ADAM8: variants seen among roughly 807,000 people sequenced by gnomAD.
ADAM8 encodes ADAM metallopeptidase domain 8, also known as disintegrin and metalloproteinase domain-containing protein 8.
A neutral mutation model predicts 102.4 loss-of-function variants in ADAM8; 104 were observed. That is an observed-to-expected ratio of 1.02 (90% CI 0.87 to 1.20). The LOEUF is 1.20. Ranked by LOEUF, ADAM8 falls within the 50% of genes most tolerant of loss-of-function variation. The pLI, the probability that ADAM8 is intolerant of heterozygous loss-of-function variation, is 0.00. For missense variants in ADAM8, 1,132 were observed against 1,159.0 expected, an observed-to-expected ratio of 0.98 and a Z score of 0.34; for synonymous variants, 517 against 485.2, an observed-to-expected ratio of 1.07 and a Z score of -0.86.
Position 133,276,820 on chromosome 10 carries a change from C to A in ADAM8, c.-3G>T. 6.6e-7 allele frequency: 1 copy of A among 1,526,592 alleles called. No homozygotes were observed. The highest frequency in any genetic ancestry group is 8.8e-7 in the Non-Finnish European group (1 of 1,140,158). 94.6% of individuals were successfully genotyped at this position (1,526,592 alleles called of 1,614,324 possible). A position where few individuals can be genotyped will look rare whatever the true frequency, so the allele number is the denominator to read the frequency against. Reference sequence around the variant, plus strand: ...AGCCAGAGCCCGAGGCCGCGCATGGCCGGGTCGGGGAGCAGAGGCGGAGGT... The same window carrying A: ...AGCCAGAGCCCGAGGCCGCGCATGGACGGGTCGGGGAGCAGAGGCGGAGGT... On this transcript the variant is annotated 5_prime_UTR_variant, in exon 1 of 23. Coordinates refer to ENST00000445355, the MANE Select transcript of ADAM8 (RefSeq NM_001109.5).
chr10:133,273,638 C>A (rs1339435558), intron 5 of ADAM8, 124 bp downstream of exon 5: 2 of 1,323,350 alleles, frequency 1.5e-6, no homozygotes, highest in African/African-American at 1.5e-5. Flanking sequence ...GACCCCCATG[C>A]AAGACAGCAA....
rs769962008 is a variant in ADAM8, at chr10:133,271,933, C to T, written c.979G>A (p.Gly327Ser). The change falls in exon 11 of 23, where the codon GGC (glycine) becomes AGC (serine). Residue 327 changes from glycine (G) to serine (S), a missense_variant. Coordinates refer to ENST00000445355, the MANE Select transcript of ADAM8 (RefSeq NM_001109.5). ...TCATGGGCCATGGTACAGGCCACGC[C>T]CACGGGGTTCTTGCTGTGGTCCTGC... Reference protein sequence around the residue: ...VNQDHSKNPVGVACTMAHEMG... With the variant: ...VNQDHSKNPVSVACTMAHEMG... 3.1e-6 allele frequency: 5 copies of T among 1,611,806 alleles called. No homozygotes were observed. The highest frequency in any genetic ancestry group is 2.2e-5 in the East Asian group (1 of 44,824).
Position 133,269,921 on chromosome 10 carries a change from G to A in ADAM8, c.1839C>T (p.Cys613=). 1 of 1,612,784 alleles carries A rather than the reference G, an allele frequency of 6.2e-7. No individual in the cohort carries two copies. Among genetic ancestry groups the A allele is most frequent in the South Asian group, 1.1e-5 (1 of 91,092 alleles). ...QDLHVYRSSN[C]SAQCHNHGVC... ...CCCCATGGTTGTGGCACTGGGCAGA[G>A]CAGTTGCTGGATCTGTAAACGTGTA... The change falls in exon 17 of 23, where the codon TGC becomes TGT. Residue 613 remains cysteine (C), a synonymous_variant. Coordinates refer to ENST00000445355, the MANE Select transcript of ADAM8 (RefSeq NM_001109.5).
Position 133,273,328 on chromosome 10 carries a change from A to G in ADAM8, c.499T>C (p.Cys167Arg), listed in dbSNP as rs778315354. Residue 167 changes from cysteine (C) to arginine (R), a missense_variant, in exon 6 of 23, where the codon TGC (cysteine) becomes CGC (arginine). Cys to Arg is a radical substitution (Grantham distance 180). Transcript: ENST00000445355. ...AEHLLQTAGTCGVSDDSLGSL... is the reference protein window; with the variant it reads ...AEHLLQTAGTRGVSDDSLGSL... Reference sequence around the variant, plus strand: ...CCCAGGCTGTCGTCGCTGACCCCGCAGGTCCCGGCCGTCTGCAGCAGGTGC... The same window carrying G: ...CCCAGGCTGTCGTCGCTGACCCCGCGGGTCCCGGCCGTCTGCAGCAGGTGC... 1.9e-6 allele frequency: 3 copies of G among 1,578,950 alleles called. No individual in the cohort carries two copies. The highest frequency in any genetic ancestry group is 2.3e-5 in the East Asian group (1 of 42,844).
rs377752207 is a variant in ADAM8, at chr10:133,274,241, C to T, written c.151-6G>A. 3.2e-4 allele frequency: 490 copies of T among 1,545,302 alleles called. No individual in the cohort carries two copies. The highest frequency in any genetic ancestry group is 5.4e-4 in the Middle Eastern group (3 of 5,540). On this transcript the variant is annotated splice_region_variant and splice_polypyrimidine_tract_variant and intron_variant, in intron 2 of 22. Transcript: ENST00000445355. ...ACCCTCTCTGGGTGCAGGCCCTGAG[C>T]GAGGAGGGAAGGGTCCCAGGTGAGC...
intron 17 of ADAM8, 45 bp downstream of exon 17, chr10:133,269,852 C>T (rs749430721): frequency 5.0e-6 from 8 of 1,589,136 alleles, no homozygotes; most frequent in South Asian, 3.3e-5. Flanking sequence ...TCCCTCAGAG[C>T]GGCAGCCTCT....
At chr10:133,272,395 C>G in intron 9 of ADAM8, 21 bp downstream of exon 9, 1 of 1,549,246 alleles carries the variant, frequency 6.5e-7, no homozygotes, top group East Asian at 2.3e-5. Flanking sequence ...CCTCCCCACC[C>G]TGCCCGCTCC....
chr10:133,271,449 G>A, intron 12 of ADAM8, 79 bp downstream of exon 12: 1 of 1,483,938 alleles, frequency 6.7e-7, no homozygotes. Flanking sequence ...GTGTGGATGT[G>A]CAGTGGTCAC....
At chr10:133,269,843 C>T in intron 17 of ADAM8, 54 bp downstream of exon 17, 1 of 1,576,116 alleles carries the variant, frequency 6.3e-7, no homozygotes, top group Non-Finnish European at 8.7e-7. Context: ...AGCACCGGCT[C>T]CCTCAGAGCG....
chr10:133,273,161 C>T, intron 6 of ADAM8, 93 bp downstream of exon 6: 7 of 1,579,870 alleles, frequency 4.4e-6, no homozygotes, highest in Non-Finnish European at 4.3e-6. Context: ...AGACAATGGG[C>T]AGCACCCAGC....
Position 133,273,262 on chromosome 10 carries a change from G to A in ADAM8, c.565C>T (p.Arg189Trp), listed in dbSNP as rs45451297. Residue 189 changes from arginine (R) to tryptophan (W), a missense_variant, in exon 6 of 23, where the codon CGG becomes TGG. Arg to Trp is a moderately radical substitution (Grantham distance 101). Transcript: ENST00000445355. ...GAGACAAGGGTGCTCACCCCGGGCCGAGGCCTGAAGACGGCTGCCGTCCGG... is the reference window on the plus strand; with the variant it reads ...GAGACAAGGGTGCTCACCCCGGGCCAAGGCCTGAAGACGGCTGCCGTCCGG... Reference protein sequence around the residue: ...GPRTAAVFRPRPGDSLPSRET... With the variant: ...GPRTAAVFRPWPGDSLPSRET... 0.044 allele frequency: 71,021 copies of A among 1,601,764 alleles called. 1,914 individuals carry two copies. Among genetic ancestry groups the A allele is most frequent in the Non-Finnish European group, 0.051 (59,364 of 1,175,432 alleles).
chr10:133,269,020 C>A, intron 18 of ADAM8, 158 bp from the exon 19 acceptor site: 2 of 985,472 alleles, frequency 2.0e-6, no homozygotes, highest in Non-Finnish European at 2.4e-6. Flanking sequence ...TCCCAGCTTG[C>A]CAGTGACAGG....
intron 21 of ADAM8, among the ~76,000 whole-genome samples, chr10:133,264,026 C>T (rs1846247660): frequency 6.6e-6 from 1 of 152,036 alleles, no homozygotes; most frequent in Non-Finnish European, 1.5e-5. Context: ...TAACCAACCC[C>T]CATATTACCC....
At position 133,269,440 on chromosome 10, in the gene ADAM8, C is replaced by T. The variant is rs373571368; in HGVS notation, c.1948+5G>A. 130 of 1,582,422 alleles carry T rather than the reference C, an allele frequency of 8.2e-5. No individual in the cohort carries two copies. Among genetic ancestry groups the T allele is most frequent in the Middle Eastern group, 1.7e-4 (1 of 6,014 alleles). On this transcript the variant is annotated splice_donor_5th_base_variant and intron_variant, in intron 18 of 22. Coordinates refer to ENST00000445355, the MANE Select transcript of ADAM8 (RefSeq NM_001109.5). ...GCCCCACCTGCGCTGGCCAGGGAGG[C>T]CTACCTGCGTGCACCTCAGTCAGCA...
Position 133,269,126 on chromosome 10 carries a change from C to T in ADAM8, c.1949-264G>A, listed in dbSNP as rs1031813982. ...TCTGGACGACCACATGCTCAGTGGC[C>T]GCCGGGGAGGAAATGCTGGGTGGCC... On this transcript the variant is annotated intron_variant, in intron 18 of 22. Transcript: ENST00000445355. The T allele has an allele frequency of 2.4e-4, 234 of 985,412 alleles. No individual in the cohort carries two copies. The African/African-American group carries it at 3.6e-3, about 15-fold the overall frequency. The allele number at this position is 985,412 out of a possible 1,614,324, so 61.0% of individuals were successfully genotyped here. A position where few individuals can be genotyped will look rare whatever the true frequency, so the allele number is the denominator to read the frequency against.
chr10:133,274,291 C>T (rs1846660715), intron 2 of ADAM8, 56 bp from the exon 3 acceptor site: 4 of 1,463,948 alleles, frequency 2.7e-6, no homozygotes, highest in Non-Finnish European at 3.6e-6. Flanking sequence ...GTGCCCACCT[C>T]AATCCTGGGG....
Position 133,275,297 on chromosome 10 carries a change from G to A in ADAM8, c.150+187C>T, listed in dbSNP as rs187137809. Among the ~76,000 whole-genome samples, 5 of 152,318 alleles carry A rather than the reference G, an allele frequency of 3.3e-5. No individual in the cohort carries two copies. In the East Asian group the frequency reaches 9.7e-4, roughly 29 times the overall value. ...GGGTCCATAGAGCTCCTGAAGGAAC[G>A]AGGAGGCTGGGAGCCCTCAGGCAGT... On this transcript the variant is annotated intron_variant, in intron 2 of 22. Coordinates refer to ENST00000445355, the MANE Select transcript of ADAM8 (RefSeq NM_001109.5).
At position 133,268,754 on chromosome 10, in the gene ADAM8, A is replaced by G; in HGVS notation, c.2057T>C (p.Leu686Pro). ...CAGCCCCCACCACCCTCACCTGCTC[A>G]GGATGCGGCTCCGGGCTTTGCGGTA... The part of the protein sequence containing the change: ...IVYRKARSRI[L>P]SRNVAPKTTM... Residue 686 changes from leucine to proline, a missense_variant, in exon 19 of 23, where the codon CTG becomes CCG. Coordinates refer to ENST00000445355, the MANE Select transcript of ADAM8 (RefSeq NM_001109.5). The G allele has an allele frequency of 6.2e-7, 1 of 1,609,976 alleles. No homozygotes were observed. Among genetic ancestry groups the G allele is most frequent in the Non-Finnish European group, 8.5e-7 (1 of 1,179,616 alleles).
chr10:133,270,702 C>T (rs545492678), intron 15 of ADAM8, 34 bp downstream of exon 15: 7 of 1,585,608 alleles, frequency 4.4e-6, no homozygotes, highest in East Asian at 2.3e-5. Flanking sequence ...GTGGGAACAG[C>T]ACATGTCCTG....
Sources: gnomAD v4.1 joint callset for allele counts (sites outside exome capture counted in the v4.1 genomes callset) on GRCh38, gnomAD v4.1.1 for gene constraint, MANE v1.5 for transcripts, NCBI Gene and HGNC (gene_info 2026-07-23, HGNC 2026-07-21) for gene names.